Variants in ST8SIA4 observed in about 807,000 individuals in gnomAD.
ST8SIA4 encodes CMP-N-acetylneuraminate-poly-alpha-2,8-sialyltransferase.
A neutral mutation model predicts 33.9 loss-of-function variants in ST8SIA4; 15 were observed. The ratio of observed to expected loss-of-function variants is 0.44; its 90% confidence interval spans 0.30 to 0.68. The LOEUF (loss-of-function observed/expected upper bound fraction) is 0.68. ST8SIA4 is among the 30% of genes least tolerant of loss of function. The pLI, the probability that ST8SIA4 is intolerant of heterozygous loss-of-function variation, is 0.10. For missense variants in ST8SIA4, 321 were observed against 428.0 expected (o/e 0.75, Z 2.21); for synonymous variants, 171 against 151.2 (o/e 1.13, Z -0.96).
At chr5:100,855,710 T>C (rs1234856336) in intron 4 of ST8SIA4, among the ~76,000 whole-genome samples, 1 of 152,186 alleles carries the variant, frequency 6.6e-6, no homozygotes, top group Non-Finnish European at 1.5e-5. Context: ...TGGGACTTAA[T>C]TGCTCCTTAA....
At chr5:100,881,773 C>G (rs56390465) in intron 3 of ST8SIA4, among the ~76,000 whole-genome samples, 1 of 152,112 alleles carries the variant, frequency 6.6e-6, no homozygotes, top group Non-Finnish European at 1.5e-5. Context: ...CCATAGTGTT[C>G]TCAGGGTAGT....
chr5:100,809,872 TC>T lies in ST8SIA4; in HGVS notation c.*1974del, dbSNP rs1290273265. ...TTCTCAAAAGATGTAATATTCTATATCCCAAGGTTTTACTATATTAAAAAAA... is the reference window on the plus strand; with the variant it reads ...TTCTCAAAAGATGTAATATTCTATATCCAAGGTTTTACTATATTAAAAAAA... On this transcript the variant is annotated 3_prime_UTR_variant, in exon 5 of 5. Coordinates refer to ENST00000231461, the MANE Select transcript of ST8SIA4 (RefSeq NM_005668.6). 6.6e-6 allele frequency: 1 copy of T among 152,152 alleles called. No individual in the cohort carries two copies. The highest frequency in any genetic ancestry group is 1.5e-5 in the Non-Finnish European group (1 of 68,030). 9.4% of individuals were successfully genotyped at this position (152,152 alleles called of 1,614,324 possible). A position where few individuals can be genotyped will look rare whatever the true frequency, so the allele number is the denominator to read the frequency against.
intron 4 of ST8SIA4, among the ~76,000 whole-genome samples, chr5:100,853,856 A>G (rs1284063852): frequency 6.6e-6 from 1 of 152,224 alleles, no homozygotes; most frequent in Non-Finnish European, 1.5e-5. Flanking sequence ...AAAATCTAGG[A>G]AACAAAGGTA....
rs1750793333 is a variant in ST8SIA4 at position 100,810,534 on chromosome 5, A to G, written c.*1313T>C. The G allele has an allele frequency of 6.6e-6, 1 of 152,232 alleles. No individual in the cohort carries two copies. Among genetic ancestry groups the G allele is most frequent in the Non-Finnish European group, 1.5e-5 (1 of 68,026 alleles). The allele number at this position is 152,232 out of a possible 1,614,324, so 9.4% of individuals were successfully genotyped here. ...ATTCTAAAGGGCAAAATGCTTCCAC[A>G]AAATTATTATGTAATGCAAAAGGTG... is the stretch of plus-strand genomic sequence containing the variant. On this transcript the variant is annotated 3_prime_UTR_variant, in exon 5 of 5. Transcript: ENST00000231461.
intron 3 of ST8SIA4, among the ~76,000 whole-genome samples, chr5:100,863,359 C>A (rs1751988747): frequency 1.3e-5 from 2 of 152,238 alleles, no homozygotes; most frequent in Admixed American, 6.5e-5. Context: ...AAAAATGACC[C>A]ACTTCTGAGA....
intron 2 of ST8SIA4, among the ~76,000 whole-genome samples, chr5:100,889,149 A>C (rs1752604675): frequency 6.6e-6 from 1 of 151,924 alleles, no homozygotes; most frequent in Non-Finnish European, 1.5e-5. Flanking sequence ...GATTTTTCAC[A>C]AAAGTTAACA....
intron 3 of ST8SIA4, chr5:100,885,670 T>G: frequency 1.1e-6 from 1 of 944,948 alleles, no homozygotes; most frequent in East Asian, 1.2e-4. Context: ...CTGCTTATAT[T>G]TATGATGTGA....
intron 1 of ST8SIA4, among the ~76,000 whole-genome samples, chr5:100,899,241 GC>G (rs981833072): frequency 6.6e-6 from 1 of 152,076 alleles, no homozygotes; most frequent in African/African-American, 2.4e-5. Context: ...ATGAAACTAA[GC>G]CTGAATACAC....
At chr5:100,847,398 A>G (rs1023920257) in intron 4 of ST8SIA4, among the ~76,000 whole-genome samples, 3 of 152,084 alleles carry the variant, frequency 2.0e-5, no homozygotes, top group African/African-American at 4.8e-5. Flanking sequence ...GCTAAAGACT[A>G]TTGGGAGCCT....
Position 100,886,152 on chromosome 5 carries a change from T to C in ST8SIA4, c.503+191A>G, listed in dbSNP as rs566682589. 1.4e-4 allele frequency: 198 copies of C among 1,372,838 alleles called. 4 individuals are homozygous for C. In the South Asian group the frequency reaches 2.9e-3, roughly 20 times the overall value. 85.0% of individuals were successfully genotyped at this position (1,372,838 alleles called of 1,614,324 possible). A position where few individuals can be genotyped will look rare whatever the true frequency, so the allele number is the denominator to read the frequency against. On this transcript the variant is annotated intron_variant, in intron 3 of 4. Transcript: ENST00000231461. ...GTTGCTATGACAGGATCACTTTTTC[T>C]TTCAACTACGCAATAATTATAATAT...
intron 4 of ST8SIA4, among the ~76,000 whole-genome samples, chr5:100,836,347 C>A (rs1751361274): frequency 1.3e-5 from 2 of 151,970 alleles, no homozygotes; most frequent in South Asian, 4.1e-4. Context: ...TAATCTGGCT[C>A]CAGAATCTGT....
chr5:100,886,162 G>A (rs910030151), intron 3 of ST8SIA4, 181 bp downstream of exon 3: 62 of 1,383,182 alleles, frequency 4.5e-5, no homozygotes, highest in South Asian at 1.2e-4. Context: ...TTTCAACTAC[G>A]CAATAATTAT....
chr5:100,866,306 G>A (rs1752058329), intron 3 of ST8SIA4, among the ~76,000 whole-genome samples: 1 of 151,876 alleles, frequency 6.6e-6, no homozygotes, highest in Non-Finnish European at 1.5e-5. Flanking sequence ...CAAAATATAG[G>A]AGAAATAAGA....
intron 4 of ST8SIA4, among the ~76,000 whole-genome samples, chr5:100,851,083 C>T (rs1404861519): frequency 6.6e-6 from 1 of 150,882 alleles, no homozygotes. Flanking sequence ...CCTCAGCTTC[C>T]CTAGTAGCTG....
chr5:100,817,452 T>A (rs1432651302), intron 4 of ST8SIA4, among the ~76,000 whole-genome samples: 1 of 152,182 alleles, frequency 6.6e-6, no homozygotes, highest in African/African-American at 2.4e-5. Context: ...TGTCAATATG[T>A]CCATTCATTC....
chr5:100,896,821 A>G (rs879756853), intron 1 of ST8SIA4, among the ~76,000 whole-genome samples: 1 of 152,168 alleles, frequency 6.6e-6, no homozygotes, highest in Non-Finnish European at 1.5e-5. Flanking sequence ...TGTGATTCCT[A>G]AGATTGTAAT....
chr5:100,875,283 G>T (rs191672632), intron 3 of ST8SIA4, among the ~76,000 whole-genome samples: 50 of 150,114 alleles, frequency 3.3e-4, no homozygotes, highest in African/African-American at 1.2e-3. Context: ...GTTCTGGTTG[G>T]TGTAGAGTAG....
At chr5:100,841,885 C>T (rs1188294902) in intron 4 of ST8SIA4, among the ~76,000 whole-genome samples, 1 of 151,848 alleles carries the variant, frequency 6.6e-6, no homozygotes, top group Non-Finnish European at 1.5e-5. Context: ...TCTAGCATTC[C>T]AAAACTACCT....
At chr5:100,891,542 A>T (rs1645238767) in intron 2 of ST8SIA4, among the ~76,000 whole-genome samples, 1 of 152,068 alleles carries the variant, frequency 6.6e-6, no homozygotes, top group Admixed American at 6.6e-5. Context: ...TGTCAAAAAA[A>T]ATCTTAAACA....
Sources: gnomAD v4.1 joint callset for allele counts (sites outside exome capture counted in the v4.1 genomes callset) on GRCh38, gnomAD v4.1.1 for gene constraint, MANE v1.5 for transcripts, NCBI Gene and HGNC (gene_info 2026-07-23, HGNC 2026-07-21) for gene names.